The following CDH13 variants were observed in gnomAD, a reference collection of about 807,000 sequenced individuals.
CDH13 encodes cadherin 13, also known as cadherin-13.
Under a neutral mutation model 63.8 loss-of-function variants are expected in CDH13, and 24 were observed. The ratio of observed to expected loss-of-function variants is 0.38; its 90% CI spans 0.27 to 0.53. CDH13 has a LOEUF of 0.53. Among genes scored for constraint, CDH13 ranks in the 20% least tolerant of loss-of-function variants. The pLI is 0.85. For missense variants in CDH13, 1,049 were observed against 903.1 expected, an observed-to-expected ratio of 1.16 and a Z score of -2.07; for synonymous variants, 503 against 355.3, an observed-to-expected ratio of 1.42 and a Z score of -4.67.
intron 5 of CDH13, among the ~76,000 whole-genome samples, chr16:83,341,268 G>GTATTT (rs2090716072): frequency 6.6e-6 from 1 of 152,198 alleles, no homozygotes; most frequent in Non-Finnish European, 1.5e-5. Flanking sequence ...AAGAAAGAAG[G>GTATTT]CAGGCAAGAA....
rs750432481 is a variant in CDH13, at chr16:83,447,096, C to CTTTTTTTTTTTTTTTTTTTTTTTTTTT, written c.782-39377_782-39351dup. 1.8e-3 allele frequency among the ~76,000 whole-genome samples: 74 copies of CTTTTTTTTTTTTTTTTTTTTTTTTTTT among 41,518 alleles called. 27 individuals carry two copies. Among genetic ancestry groups the CTTTTTTTTTTTTTTTTTTTTTTTTTTT allele is most frequent in the Non-Finnish European group, 3.1e-3 (65 of 21,118 alleles). 27.2% of individuals were successfully genotyped at this position (41,518 alleles called of 152,430 possible). On this transcript the variant is annotated intron_variant, in intron 6 of 13. Coordinates refer to ENST00000567109, the MANE Select transcript of CDH13 (RefSeq NM_001257.5). ...AAAACAAAAAACACCTTATAGTAACCTTTTTTTTTTTTTTTTTTTTTTTTT... is the reference window on the plus strand; with the variant it reads ...AAAACAAAAAACACCTTATAGTAACCTTTTTTTTTTTTTTTTTTTTTTTTTTTTTTTTTTTTTTTTTTTTTTTTTTTT...
At chr16:83,618,859 T>C (rs966490450) in intron 8 of CDH13, among the ~76,000 whole-genome samples, 1 of 152,164 alleles carries the variant, frequency 6.6e-6, no homozygotes, top group Non-Finnish European at 1.5e-5. Context: ...CAAGAAAATA[T>C]TCCACAGTTC....
intron 7 of CDH13, among the ~76,000 whole-genome samples, chr16:83,550,018 A>G (rs1343507879): frequency 6.6e-6 from 1 of 152,212 alleles, no homozygotes; most frequent in Non-Finnish European, 1.5e-5. Context: ...GACCAAGCCA[A>G]AAACACTAAT....
chr16:82,971,402 G>A (rs538912111), intron 2 of CDH13, among the ~76,000 whole-genome samples: 67 of 152,316 alleles, frequency 4.4e-4, no homozygotes, highest in African/African-American at 1.2e-3. Flanking sequence ...TGCAAGGTCT[G>A]TTCCTAGGAC....
intron 1 of CDH13, among the ~76,000 whole-genome samples, chr16:82,708,175 C>T (rs2089706019): frequency 6.6e-6 from 1 of 152,172 alleles, no homozygotes; most frequent in Non-Finnish European, 1.5e-5. Context: ...GCTTACATCA[C>T]ACTGTTCGCA....
chr16:82,662,192 C>T (rs1414966895), intron 1 of CDH13, among the ~76,000 whole-genome samples: 1 of 152,168 alleles, frequency 6.6e-6, no homozygotes, highest in Non-Finnish European at 1.5e-5. Flanking sequence ...GCCAGGTAAA[C>T]AAGTTACAAA....
chr16:83,179,921 G>A (rs977447672), intron 4 of CDH13, among the ~76,000 whole-genome samples: 3 of 151,008 alleles, frequency 2.0e-5, no homozygotes, highest in Non-Finnish European at 1.5e-5. Flanking sequence ...AAGTGCTTAT[G>A]AACAGGAAAC....
chr16:83,494,322 C>G (rs1218822324), intron 7 of CDH13, among the ~76,000 whole-genome samples: 2 of 152,016 alleles, frequency 1.3e-5, no homozygotes, highest in African/African-American at 4.8e-5. Flanking sequence ...TTTTCTTTAT[C>G]AGCCAAAAAG....
rs78205508 is a variant in CDH13 at position 82,751,000 on chromosome 16, G to A, written c.46-107362G>A. Among the ~76,000 whole-genome samples, 348 of 152,252 alleles carry A rather than the reference G, an allele frequency of 2.3e-3. 1 individual carries two copies. Among genetic ancestry groups the A allele is most frequent in the African/African-American group, 7.5e-3 (311 of 41,558 alleles). ...ATCAGCAGTTTGCAAAAATTATGGCGCTGGTCCTCTCCCCAGCCAACTTAA... is the reference window on the plus strand; with the variant it reads ...ATCAGCAGTTTGCAAAAATTATGGCACTGGTCCTCTCCCCAGCCAACTTAA... On this transcript the variant is annotated intron_variant, in intron 1 of 13. Transcript: ENST00000567109.
At chr16:83,075,059 G>A (rs911472230) in intron 3 of CDH13, among the ~76,000 whole-genome samples, 24 of 152,224 alleles carry the variant, frequency 1.6e-4, no homozygotes, top group African/African-American at 5.5e-4. Flanking sequence ...AAACATCCTT[G>A]GGTCCAGCAT....
chr16:82,995,814 G>A (rs868528140), intron 2 of CDH13, among the ~76,000 whole-genome samples: 2 of 152,162 alleles, frequency 1.3e-5, no homozygotes, highest in African/African-American at 4.8e-5. Flanking sequence ...GGATCACGCT[G>A]CATCCATTGA....
intron 4 of CDH13, among the ~76,000 whole-genome samples, chr16:83,200,215 G>C (rs1311026528): frequency 6.6e-6 from 1 of 152,144 alleles, no homozygotes; most frequent in African/African-American, 2.4e-5. Flanking sequence ...TGGGCGCTGG[G>C]TGGCAGCCTT....
chr16:83,766,855 C>T (rs1004335092), intron 11 of CDH13, among the ~76,000 whole-genome samples: 1 of 152,028 alleles, frequency 6.6e-6, no homozygotes, highest in Non-Finnish European at 1.5e-5. Flanking sequence ...GAGTGAGTCT[C>T]ACAAGAACTG....
intron 1 of CDH13, among the ~76,000 whole-genome samples, chr16:82,719,679 C>T (rs937705879): frequency 5.9e-5 from 9 of 152,046 alleles, no homozygotes; most frequent in Non-Finnish European, 1.2e-4. Context: ...AACCCCGTCT[C>T]TACTGAAAAT....
intron 6 of CDH13, among the ~76,000 whole-genome samples, chr16:83,401,360 A>T (rs1198696394): frequency 6.6e-6 from 1 of 150,988 alleles, no homozygotes; most frequent in Admixed American, 6.6e-5. Flanking sequence ...AAGAAAAAAG[A>T]TTATATAAAA....
intron 4 of CDH13, among the ~76,000 whole-genome samples, chr16:83,216,372 T>C (rs1338314927): frequency 8.9e-6 from 1 of 111,836 alleles, no homozygotes; most frequent in Non-Finnish European, 1.9e-5. Flanking sequence ...GTGGAAATAA[T>C]AATGTCCTCT....
chr16:83,106,058 G>A (rs1233032068), intron 3 of CDH13, among the ~76,000 whole-genome samples: 3 of 152,202 alleles, frequency 2.0e-5, no homozygotes, highest in Non-Finnish European at 4.4e-5. Flanking sequence ...TATTCCACTG[G>A]TGGGTTATTT....
intron 1 of CDH13, among the ~76,000 whole-genome samples, chr16:82,716,747 T>C (rs2032400734): frequency 6.6e-6 from 1 of 151,374 alleles, no homozygotes; most frequent in Admixed American, 6.6e-5. Flanking sequence ...TGCTGAGTAA[T>C]ACAAGTTATG....
At chr16:82,846,402 A>C (rs1041142283) in intron 1 of CDH13, among the ~76,000 whole-genome samples, 1 of 152,166 alleles carries the variant, frequency 6.6e-6, no homozygotes, top group African/African-American at 2.4e-5. Flanking sequence ...TAACTAGCAC[A>C]TAACACCTAC....
Sources: gnomAD v4.1 joint callset for allele counts (sites outside exome capture counted in the v4.1 genomes callset) on GRCh38, gnomAD v4.1.1 for gene constraint, MANE v1.5 for transcripts, NCBI Gene and HGNC (gene_info 2026-07-23, HGNC 2026-07-21) for gene names.